IGHMBP2: variants seen among roughly 807,000 people sequenced by gnomAD.
IGHMBP2 encodes the protein DNA-binding protein SMUBP-2.
IGHMBP2 carries 81 observed loss-of-function variants against 96.0 expected under a neutral mutation model. That is an observed-to-expected ratio of 0.84 (90% CI 0.71 to 1.01). IGHMBP2 has a LOEUF of 1.01. Among genes scored for constraint, IGHMBP2 ranks in the 50% least tolerant of loss-of-function variants. The pLI is 0.00. For missense variants in IGHMBP2, 1,227 were observed against 1,306.3 expected (o/e 0.94, Z 0.94); for synonymous variants, 557 against 548.9 (o/e 1.01, Z -0.21).
rs780273172 is a variant in IGHMBP2 at position 68,903,928 on chromosome 11, C to T, written c.-25C>T. 339 of 1,595,628 alleles carry T rather than the reference C, an allele frequency of 2.1e-4. No individual in the cohort carries two copies. Among genetic ancestry groups the T allele is most frequent in the Admixed American group, 1.0e-3 (59 of 56,892 alleles). Reference sequence around the variant, plus strand: ...CGGCGCAGAAGCGGGACGTCGGCTTCTAGGGGCCCAGGCCGGCGGCGGCGA... The same window carrying T: ...CGGCGCAGAAGCGGGACGTCGGCTTTTAGGGGCCCAGGCCGGCGGCGGCGA... On this transcript the variant is annotated 5_prime_UTR_variant, in exon 1 of 15. Transcript: ENST00000255078.
chr11:68,934,253 C>G (rs1859434114), intron 10 of IGHMBP2: 1 of 652,520 alleles, frequency 1.5e-6, no homozygotes, highest in African/African-American at 1.8e-5. Context: ...CCATAGGAGT[C>G]AAAAGGCCTT....
At chr11:68,911,331 C>T (rs1255307018) in intron 4 of IGHMBP2, 109 bp from the exon 5 acceptor site, 5 of 1,092,858 alleles carry the variant, frequency 4.6e-6, no homozygotes, top group Non-Finnish European at 6.8e-6. Flanking sequence ...GGAGGTCCGG[C>T]GTGTTCCTGA....
chr11:68,912,990 T>C (rs11228407), intron 5 of IGHMBP2, among the ~76,000 whole-genome samples: 110,663 of 144,516 alleles, frequency 0.77, 43,032 homozygotes, highest in Non-Finnish European at 0.84. Flanking sequence ...TGCAGTGAAC[T>C]GAGATCGCAC....
intron 10 of IGHMBP2, 154 bp from the exon 11 acceptor site, chr11:68,934,310 G>A: frequency 4.3e-6 from 3 of 699,770 alleles, no homozygotes; most frequent in Admixed American, 4.0e-5. Flanking sequence ...CTGGTCCTGG[G>A]GCCCTGGGAC....
At chr11:68,914,716 A>ACAT in intron 5 of IGHMBP2, 107 bp from the exon 6 acceptor site, 1 of 1,145,062 alleles carries the variant, frequency 8.7e-7, no homozygotes. Flanking sequence ...GCACGTGTGT[A>ACAT]CATGCCTTGT....
intron 1 of IGHMBP2, among the ~76,000 whole-genome samples, chr11:68,904,854 AGTG>A (rs1858124635): frequency 7.5e-6 from 1 of 133,158 alleles, no homozygotes. Context: ...GCTGGAGTGC[AGTG>A]GCACGATCTC....
Position 68,937,095 on chromosome 11 carries a change from A to G in IGHMBP2, c.2611+4A>G. On this transcript the variant is annotated splice_donor_region_variant and intron_variant, in intron 13 of 14. Transcript: ENST00000255078. ...AAGAAAAAGAAAAAAGCCAAAGGTA[A>G]GTCAACTAATAAGAACTTGGGGCAG... 1 of 1,596,766 alleles carries G rather than the reference A, an allele frequency of 6.3e-7. No homozygotes were observed. Among genetic ancestry groups the G allele is most frequent in the Non-Finnish European group, 8.5e-7 (1 of 1,179,802 alleles).
At chr11:68,938,435 C>G (rs1859638518) in intron 14 of IGHMBP2, 81 bp downstream of exon 14, 1 of 1,325,936 alleles carries the variant, frequency 7.5e-7, no homozygotes, top group South Asian at 1.3e-5. Flanking sequence ...CCTGGGCAGA[C>G]TTGTTCCAGT....
At chr11:68,906,446 A>T (rs148296162) in intron 2 of IGHMBP2, 1 of 609,824 alleles carries the variant, frequency 1.6e-6, no homozygotes, top group Admixed American at 2.7e-5. Context: ...ATGCGTGGTC[A>T]TCAAATGTTT....
intron 6 of IGHMBP2, among the ~76,000 whole-genome samples, chr11:68,916,035 A>G (rs753499299): frequency 2.0e-5 from 3 of 151,876 alleles, no homozygotes; most frequent in Non-Finnish European, 4.4e-5. Context: ...TTAGCTGAGC[A>G]TGGTGGCGGG....
intron 5 of IGHMBP2, 119 bp downstream of exon 5, chr11:68,911,722 A>C: frequency 1.1e-6 from 1 of 951,874 alleles, no homozygotes; most frequent in East Asian, 2.4e-5. Flanking sequence ...AACATTACTG[A>C]GCATTTATTG....
intron 4 of IGHMBP2, among the ~76,000 whole-genome samples, chr11:68,909,649 A>G (rs1335698244): frequency 7.0e-6 from 1 of 143,608 alleles, no homozygotes; most frequent in Admixed American, 7.1e-5. Context: ...TTTTTTTGAG[A>G]CGGAGACTTG....
intron 6 of IGHMBP2, among the ~76,000 whole-genome samples, chr11:68,917,269 G>A (rs1025705310): frequency 1.2e-4 from 18 of 152,090 alleles, no homozygotes; most frequent in Admixed American, 9.8e-4. Context: ...GAGCCACCGC[G>A]CCTGACCAGT....
chr11:68,933,384 CA>C lies in IGHMBP2; in HGVS notation c.1322del (p.Gln441ArgfsTer32). ...GARVVRTLTV[Q>X]YRMHQAIMRW... ...GAGGGTGGTGCGGACACTGACGGTG[CA>C]GTACCGCATGCACCAGGCTATCATG... On this transcript the variant is annotated frameshift_variant, in exon 9 of 15. Coordinates refer to ENST00000255078, the MANE Select transcript of IGHMBP2 (RefSeq NM_002180.3). LOFTEE classifies it high-confidence loss of function. 6.2e-7 allele frequency: 1 copy of C among 1,613,116 alleles called. No homozygotes were observed. The highest frequency in any genetic ancestry group is 8.5e-7 in the Non-Finnish European group (1 of 1,179,826).
intron 4 of IGHMBP2, among the ~76,000 whole-genome samples, chr11:68,909,845 C>T (rs566388456): frequency 6.6e-5 from 10 of 151,732 alleles, no homozygotes; most frequent in South Asian, 2.1e-4. Context: ...TTGGTCGGGC[C>T]GGTCTTGAAC....
At chr11:68,920,898 C>T (rs915828629) in intron 7 of IGHMBP2, among the ~76,000 whole-genome samples, 2 of 152,212 alleles carry the variant, frequency 1.3e-5, no homozygotes, top group African/African-American at 4.8e-5. Context: ...CCTCCCACCT[C>T]AGCTTCCCGA....
chr11:68,933,502 C>T (rs778044417), intron 9 of IGHMBP2, 21 bp downstream of exon 9: 27 of 1,603,988 alleles, frequency 1.7e-5, no homozygotes, highest in East Asian at 9.0e-5. Flanking sequence ...CGGCACCACC[C>T]GCCGCCCCAT....
intron 7 of IGHMBP2, among the ~76,000 whole-genome samples, chr11:68,926,868 C>T (rs373695234): frequency 3.9e-5 from 6 of 152,082 alleles, no homozygotes; most frequent in South Asian, 2.1e-4. Context: ...TAGGTTCAAG[C>T]GATTCTCCTG....
chr11:68,936,179 G>T lies in IGHMBP2; in HGVS notation c.1757-58G>T, dbSNP rs1859518830. ...GGTGGTTACTGATAAGGGCGTAGGAGCCTGACTGTGTTTCTTAGTCTGAAA... is the reference window on the plus strand; with the variant it reads ...GGTGGTTACTGATAAGGGCGTAGGATCCTGACTGTGTTTCTTAGTCTGAAA... On this transcript the variant is annotated intron_variant, in intron 12 of 14. Coordinates refer to ENST00000255078, the MANE Select transcript of IGHMBP2 (RefSeq NM_002180.3). 4 of 1,596,936 alleles carry T rather than the reference G, an allele frequency of 2.5e-6. No homozygotes were observed. In the African/African-American group the frequency reaches 5.4e-5, roughly 21 times the overall value.
Sources: gnomAD v4.1 joint callset for allele counts (sites outside exome capture counted in the v4.1 genomes callset) on GRCh38, gnomAD v4.1.1 for gene constraint, MANE v1.5 for transcripts, NCBI Gene and HGNC (gene_info 2026-07-23, HGNC 2026-07-21) for gene names.